SLC35F4: variants seen among roughly 807,000 people sequenced by gnomAD.
SLC35F4 encodes the protein chromosome 14 open reading frame 36.
Under a neutral mutation model 44.2 loss-of-function variants are expected in SLC35F4, and 24 were observed. The ratio of observed to expected loss-of-function variants is 0.54; its 90% CI spans 0.39 to 0.76. The LOEUF is 0.76. Ranked by LOEUF, SLC35F4 falls within the 30% of genes least tolerant of loss-of-function variation. The pLI, the probability that SLC35F4 is intolerant of heterozygous loss-of-function variation, is 0.00. For synonymous variants in SLC35F4, 238 were observed against 223.6 expected, an observed-to-expected ratio of 1.06 and a Z score of -0.57; for missense variants, 562 against 586.1, an observed-to-expected ratio of 0.96 and a Z score of 0.42.
At chr14:57,950,371 G>A (rs1890113393) in intron 1 of SLC35F4, among the ~76,000 whole-genome samples, 1 of 151,902 alleles carries the variant, frequency 6.6e-6, no homozygotes, top group African/African-American at 2.4e-5. Flanking sequence ...TTCATTTCCA[G>A]AAGCTGTGAT....
chr14:57,876,058 G>A (rs1262008650), intron 1 of SLC35F4, among the ~76,000 whole-genome samples: 1 of 152,084 alleles, frequency 6.6e-6, no homozygotes, highest in African/African-American at 2.4e-5. Context: ...AACGAGATTT[G>A]GTCTGAATAG....
At chr14:57,691,233 G>A (rs926132526) in intron 1 of SLC35F4, among the ~76,000 whole-genome samples, 3 of 152,156 alleles carry the variant, frequency 2.0e-5, no homozygotes, top group Admixed American at 6.6e-5. Flanking sequence ...CTGCCAACCA[G>A]CTTTTGGGTA....
rs139984879 is a variant in SLC35F4, at chr14:57,702,085, A to T, written c.104-107961T>A. On this transcript the variant is annotated intron_variant, in intron 1 of 7. Transcript: ENST00000556826. ...CAGGATGCTTCAAAGGCTACCACAA[A>T]GTTACAGGAAAACAAACTTCTGCAA... Among the ~76,000 whole-genome samples the T allele has an allele frequency of 4.0e-3, 610 of 152,288 alleles. 4 individuals carry two copies. The highest frequency in any genetic ancestry group is 0.014 in the Middle Eastern group (4 of 294).
chr14:57,735,580 C>T (rs2076442438), intron 1 of SLC35F4, among the ~76,000 whole-genome samples: 1 of 152,194 alleles, frequency 6.6e-6, no homozygotes, highest in Non-Finnish European at 1.5e-5. Context: ...ACATGACTGT[C>T]TCAGGGCAAT....
At chr14:57,796,623 T>C (rs1396024156) in intron 1 of SLC35F4, among the ~76,000 whole-genome samples, 5 of 152,182 alleles carry the variant, frequency 3.3e-5, no homozygotes, top group Admixed American at 6.5e-5. Flanking sequence ...CAGCAAAACA[T>C]TGAATTTTAG....
At chr14:57,853,367 T>TA (rs1286505122) in intron 1 of SLC35F4, among the ~76,000 whole-genome samples, 2 of 152,194 alleles carry the variant, frequency 1.3e-5, no homozygotes, top group African/African-American at 2.4e-5. Context: ...TAATTTGATA[T>TA]AAAAAATGCA....
At chr14:57,834,299 C>G (rs1884683513) in intron 1 of SLC35F4, among the ~76,000 whole-genome samples, 1 of 152,234 alleles carries the variant, frequency 6.6e-6, no homozygotes, top group African/African-American at 2.4e-5. Context: ...CACTGAATAA[C>G]TACAGCACAT....
intron 1 of SLC35F4, among the ~76,000 whole-genome samples, chr14:57,925,454 TTC>T (rs1429123514): frequency 1.5e-5 from 2 of 133,978 alleles, no homozygotes; most frequent in Non-Finnish European, 3.0e-5. Context: ...CAAGAACAGA[TTC>T]TCCTAAGAAA....
intron 1 of SLC35F4, among the ~76,000 whole-genome samples, chr14:57,728,736 T>A (rs1274912157): frequency 1.3e-5 from 2 of 152,148 alleles, no homozygotes; most frequent in African/African-American, 2.4e-5. Context: ...GTGCTGGGAT[T>A]ACACGCATGA....
chr14:57,575,393 A>G (rs1404769677), intron 4 of SLC35F4, among the ~76,000 whole-genome samples: 1 of 152,184 alleles, frequency 6.6e-6, no homozygotes, highest in Non-Finnish European at 1.5e-5. Context: ...AGGCAGGAGA[A>G]TCTCTTGAAT....
intron 1 of SLC35F4, among the ~76,000 whole-genome samples, chr14:57,861,963 C>A (rs188536018): frequency 1.2e-3 from 179 of 152,238 alleles, no homozygotes; most frequent in African/African-American, 4.1e-3. Flanking sequence ...ACTGGCAAAT[C>A]CTTAATTTAT....
chr14:57,577,003 T>TAAGA (rs1284213420), intron 4 of SLC35F4, among the ~76,000 whole-genome samples: 1 of 152,008 alleles, frequency 6.6e-6, no homozygotes, highest in Non-Finnish European at 1.5e-5. Context: ...AAGATAGGGG[T>TAAGA]AAGAGGGAGG....
At chr14:57,809,653 C>T (rs62004962) in intron 1 of SLC35F4, among the ~76,000 whole-genome samples, 4,349 of 152,334 alleles carry the variant, frequency 0.029, 126 homozygotes, top group African/African-American at 0.075. Flanking sequence ...TAATGCATTA[C>T]AGCAAATGCT....
At chr14:57,863,787 A>G (rs993124540) in intron 1 of SLC35F4, among the ~76,000 whole-genome samples, 4 of 152,196 alleles carry the variant, frequency 2.6e-5, no homozygotes, top group Non-Finnish European at 4.4e-5. Context: ...TTATCTGACT[A>G]TCACTTAATT....
intron 1 of SLC35F4, among the ~76,000 whole-genome samples, chr14:57,692,036 T>G (rs146134078): frequency 2.0e-5 from 3 of 152,034 alleles, no homozygotes; most frequent in Admixed American, 2.0e-4. Flanking sequence ...AAATAGGAGG[T>G]AAGACTGGAA....
intron 1 of SLC35F4, among the ~76,000 whole-genome samples, chr14:57,735,087 A>G (rs1328642146): frequency 1.3e-5 from 2 of 152,140 alleles, no homozygotes; most frequent in Non-Finnish European, 2.9e-5. Context: ...TCTGTGACAT[A>G]CAAAATACAA....
intron 1 of SLC35F4, among the ~76,000 whole-genome samples, chr14:57,968,598 C>G (rs2141092997): frequency 6.6e-6 from 1 of 152,342 alleles, no homozygotes; most frequent in East Asian, 1.9e-4. Flanking sequence ...ACCAGTAAAA[C>G]TGACATTAGC....
chr14:57,613,283 T>C (rs1026550650), intron 1 of SLC35F4, among the ~76,000 whole-genome samples: 2 of 152,236 alleles, frequency 1.3e-5, no homozygotes, highest in Non-Finnish European at 2.9e-5. Context: ...AGCATTTATA[T>C]AATTTATTGT....
chr14:57,655,113 T>G (rs1225497119), intron 1 of SLC35F4, among the ~76,000 whole-genome samples: 1 of 152,158 alleles, frequency 6.6e-6, no homozygotes, highest in African/African-American at 2.4e-5. Flanking sequence ...AGGGTTGAGC[T>G]GGTGCTGAAC....
Sources: allele counts gnomAD v4.1 joint callset (sites outside exome capture counted in the v4.1 genomes callset), GRCh38; gene constraint gnomAD v4.1.1; transcripts MANE v1.5; gene names NCBI Gene and HGNC (gene_info 2026-07-23, HGNC 2026-07-21).